The following SLC35F1 variants were observed in gnomAD, a reference collection of about 807,000 sequenced individuals.
SLC35F1 encodes solute carrier family 35 member F1.
Under a neutral mutation model 48.7 loss-of-function variants are expected in SLC35F1, and 14 were observed. That is an observed-to-expected ratio of 0.29 (90% CI 0.19 to 0.45). The LOEUF (loss-of-function observed/expected upper bound fraction) is 0.45, where lower values mean the gene tolerates loss of function less well. SLC35F1 is among the 20% of genes least tolerant of loss of function. SLC35F1 has a pLI of 1.00. For synonymous variants in SLC35F1, 190 were observed against 202.2 expected (o/e 0.94, Z 0.51); for missense variants, 404 against 500.0 (o/e 0.81, Z 1.83).
intron 1 of SLC35F1, among the ~76,000 whole-genome samples, chr6:118,123,570 C>T (rs891545975): frequency 1.3e-5 from 2 of 152,126 alleles, no homozygotes; most frequent in East Asian, 1.9e-4. Flanking sequence ...TACATGCAAG[C>T]GCTTTGGAAA....
intron 1 of SLC35F1, among the ~76,000 whole-genome samples, chr6:117,912,153 C>T (rs995049789): frequency 6.6e-6 from 1 of 152,112 alleles, no homozygotes; most frequent in African/African-American, 2.4e-5. Flanking sequence ...AGTCTTATGG[C>T]GGGAATGTTT....
intron 1 of SLC35F1, among the ~76,000 whole-genome samples, chr6:118,017,494 G>T (rs1196317597): frequency 1.3e-5 from 2 of 152,162 alleles, no homozygotes; most frequent in African/African-American, 4.8e-5. Context: ...CCATTCTTCA[G>T]TTTCTGCTGA....
At chr6:118,198,115 A>T (rs755040394) in intron 2 of SLC35F1, among the ~76,000 whole-genome samples, 57 of 152,280 alleles carry the variant, frequency 3.7e-4, no homozygotes, top group Non-Finnish European at 5.1e-4. Flanking sequence ...AAATGTTGTG[A>T]TCATTTTCCC....
chr6:117,964,580 C>A (rs1476274054), intron 1 of SLC35F1, among the ~76,000 whole-genome samples: 1 of 152,184 alleles, frequency 6.6e-6, no homozygotes, highest in Non-Finnish European at 1.5e-5. Flanking sequence ...TTTGCTGTTT[C>A]TTTGACTGAT....
chr6:117,952,616 T>C (rs1195835398), intron 1 of SLC35F1, among the ~76,000 whole-genome samples: 1 of 152,184 alleles, frequency 6.6e-6, no homozygotes, highest in African/African-American at 2.4e-5. Flanking sequence ...ACTGTCAATA[T>C]TTCTTTTCCC....
At chr6:118,100,254 A>G (rs73514599) in intron 1 of SLC35F1, among the ~76,000 whole-genome samples, 4,405 of 152,152 alleles carry the variant, frequency 0.029, 155 homozygotes, top group African/African-American at 0.075. Flanking sequence ...GGCATTCTTC[A>G]TACACCTCAA....
In SLC35F1 at chr6:118,316,725, A is replaced by G. The variant is rs566859160; in HGVS notation, c.*2473A>G. 9.8e-5 allele frequency: 15 copies of G among 152,308 alleles called. No homozygotes were observed. Among genetic ancestry groups the G allele is most frequent in the African/African-American group, 3.1e-4 (13 of 41,558 alleles). The allele number at this position is 152,308 out of a possible 1,614,324, so 9.4% of individuals were successfully genotyped here. ...CTGAATTATTTTATAGGATATTTTA[A>G]TTGACTCCATTGTATGGAAACCAAG... On this transcript the variant is annotated 3_prime_UTR_variant, in exon 8 of 8. Transcript: ENST00000360388.
chr6:118,254,191 G>A (rs962820309), intron 3 of SLC35F1, among the ~76,000 whole-genome samples: 10 of 152,136 alleles, frequency 6.6e-5, no homozygotes, highest in Admixed American at 1.3e-4. Context: ...GAGTATTCAC[G>A]CCGGTATCCT....
At chr6:118,178,180 G>A (rs1774520496) in intron 2 of SLC35F1, among the ~76,000 whole-genome samples, 1 of 151,808 alleles carries the variant, frequency 6.6e-6, no homozygotes, top group South Asian at 2.1e-4. Context: ...ACCTCCTGGG[G>A]GTTGCGGATC....
At chr6:118,246,515 A>C (rs1775509296) in intron 3 of SLC35F1, among the ~76,000 whole-genome samples, 1 of 152,192 alleles carries the variant, frequency 6.6e-6, no homozygotes, top group African/African-American at 2.4e-5. Flanking sequence ...CCCGTGACAG[A>C]CAGGACTCCA....
At chr6:118,138,721 A>T (rs1057410533) in intron 1 of SLC35F1, among the ~76,000 whole-genome samples, 2 of 151,588 alleles carry the variant, frequency 1.3e-5, no homozygotes, top group South Asian at 2.1e-4. Context: ...TTTTTTTTTT[A>T]AAGATGCAGT....
chr6:118,054,633 T>C (rs531947933), intron 1 of SLC35F1, among the ~76,000 whole-genome samples: 99 of 152,304 alleles, frequency 6.5e-4, no homozygotes, highest in African/African-American at 2.4e-3. Flanking sequence ...TCACATTACC[T>C]GTCACCTTCT....
At chr6:117,944,811 C>G (rs1342400212) in intron 1 of SLC35F1, among the ~76,000 whole-genome samples, 1 of 152,086 alleles carries the variant, frequency 6.6e-6, no homozygotes, top group Non-Finnish European at 1.5e-5. Flanking sequence ...AGATGTGATT[C>G]TTATTTCAGT....
intron 5 of SLC35F1, among the ~76,000 whole-genome samples, chr6:118,277,260 G>A (rs1257432518): frequency 6.6e-6 from 1 of 152,184 alleles, no homozygotes; most frequent in Non-Finnish European, 1.5e-5. Flanking sequence ...GAGCAGGAAG[G>A]GTTGAGCGCC....
intron 3 of SLC35F1, among the ~76,000 whole-genome samples, chr6:118,242,483 T>C (rs1051931696): frequency 6.6e-6 from 1 of 152,136 alleles, no homozygotes; most frequent in Non-Finnish European, 1.5e-5. Context: ...TATTAGAAAG[T>C]AAAAAGAGAG....
intron 2 of SLC35F1, among the ~76,000 whole-genome samples, chr6:118,184,847 C>T (rs1434841387): frequency 6.6e-6 from 1 of 152,146 alleles, no homozygotes; most frequent in East Asian, 1.9e-4. Context: ...ACATTTAGGG[C>T]TCTCCCCTCC....
intron 1 of SLC35F1, among the ~76,000 whole-genome samples, chr6:118,015,770 C>T (rs574924834): frequency 7.7e-4 from 117 of 152,286 alleles, no homozygotes; most frequent in African/African-American, 2.8e-3. Context: ...GCAGGAAATA[C>T]TCATACTACA....
In SLC35F1 at chr6:117,923,622, T is replaced by TACATATATGTACATATGTACAC. The variant is rs1562238516; in HGVS notation, c.173+15724_173+15725insCATATATGTACATATGTACACA. On this transcript the variant is annotated intron_variant, in intron 1 of 7. Coordinates refer to ENST00000360388, the MANE Select transcript of SLC35F1 (RefSeq NM_001029858.4). ...GTGTATATATACATATACATATGTA[T>TACATATATGTACATATGTACAC]ATATACATATATGTACATATGTACA... Among the ~76,000 whole-genome samples, 8 of 20,338 alleles carry TACATATATGTACATATGTACAC rather than the reference T, an allele frequency of 3.9e-4. 2 individuals are homozygous for TACATATATGTACATATGTACAC. The highest frequency in any genetic ancestry group is 3.8e-3 in the East Asian group (2 of 528). 13.3% of individuals were successfully genotyped at this position (20,338 alleles called of 152,430 possible).
intron 7 of SLC35F1, among the ~76,000 whole-genome samples, chr6:118,294,069 G>A (rs80296285): frequency 0.013 from 2,017 of 150,840 alleles, 51 homozygotes; most frequent in African/African-American, 0.045. Context: ...TGTATAAAAG[G>A]TGACCAGCAG....
Sources: allele counts gnomAD v4.1 joint callset (sites outside exome capture counted in the v4.1 genomes callset), GRCh38; gene constraint gnomAD v4.1.1; transcripts MANE v1.5; gene names NCBI Gene and HGNC (gene_info 2026-07-23, HGNC 2026-07-21).